SRGAP1: variants seen among roughly 807,000 people sequenced by gnomAD.
SRGAP1 encodes the protein SLIT-ROBO Rho GTPase activating protein 1, also known as SLIT-ROBO Rho GTPase-activating protein 1.
Under a neutral mutation model 121.9 loss-of-function variants are expected in SRGAP1, and 43 were observed. That is an observed-to-expected ratio of 0.35 (90% CI 0.28 to 0.46). The LOEUF is 0.46. Ranked by LOEUF, SRGAP1 falls within the 20% of genes least tolerant of loss-of-function variation. The pLI, the probability that SRGAP1 is intolerant of heterozygous loss-of-function variation, is 1.00. For missense variants in SRGAP1, 1,102 were observed against 1,350.9 expected, an observed-to-expected ratio of 0.82 and a Z score of 2.89; for synonymous variants, 447 against 485.4, an observed-to-expected ratio of 0.92 and a Z score of 1.04.
At chr12:64,047,404 A>G (rs534470382) in intron 6 of SRGAP1, among the ~76,000 whole-genome samples, 2 of 152,326 alleles carry the variant, frequency 1.3e-5, no homozygotes, top group East Asian at 3.9e-4. Context: ...ATGCAGAGGT[A>G]TCTAGAATTC....
chr12:64,130,178 A>G (rs1460440556), intron 21 of SRGAP1, among the ~76,000 whole-genome samples: 1 of 152,292 alleles, frequency 6.6e-6, no homozygotes, highest in Non-Finnish European at 1.5e-5. Context: ...TTTTACCTGC[A>G]TCGTGGAGTA....
intron 3 of SRGAP1, among the ~76,000 whole-genome samples, chr12:64,003,684 A>G (rs1396079106): frequency 6.6e-6 from 1 of 152,152 alleles, no homozygotes; most frequent in Non-Finnish European, 1.5e-5. Flanking sequence ...AAAAATGAAC[A>G]GAGCCTCAGG....
At chr12:64,124,554 T>C (rs1350523003) in intron 18 of SRGAP1, among the ~76,000 whole-genome samples, 1 of 152,226 alleles carries the variant, frequency 6.6e-6, no homozygotes, top group Admixed American at 6.5e-5. Context: ...AAGAGAAGTT[T>C]ACTCACCTTT....
At chr12:64,068,395 G>A (rs1035204501) in intron 8 of SRGAP1, among the ~76,000 whole-genome samples, 55 of 151,902 alleles carry the variant, frequency 3.6e-4, no homozygotes, top group Non-Finnish European at 1.5e-4. Flanking sequence ...GGGTGCAGAG[G>A]CACAATCACA....
At position 64,148,834 on chromosome 12, in the gene SRGAP1, T is replaced by C. The variant is rs908057482; in HGVS notation, c.*6162T>C. 4 of 152,324 alleles carry C rather than the reference T, an allele frequency of 2.6e-5. No individual in the cohort carries two copies. The highest frequency in any genetic ancestry group is 5.9e-5 in the Non-Finnish European group (4 of 68,034). The allele number at this position is 152,324 out of a possible 1,614,324, so 9.4% of individuals were successfully genotyped here. On this transcript the variant is annotated 3_prime_UTR_variant, in exon 22 of 22. Coordinates refer to ENST00000355086, the MANE Select transcript of SRGAP1 (RefSeq NM_020762.4). ...TGTATCCACCACCCAGTTTAAGCAA[T>C]AGCACATTATCAGCATCCCAGAAGC... is the stretch of plus-strand genomic sequence containing the variant.
At chr12:63,943,532 A>C (rs1251838524) in intron 1 of SRGAP1, among the ~76,000 whole-genome samples, 1 of 152,240 alleles carries the variant, frequency 6.6e-6, no homozygotes, top group African/African-American at 2.4e-5. Flanking sequence ...CCAAGGTTAC[A>C]TAGCTTGTAA....
At position 64,128,079 on chromosome 12, in the gene SRGAP1, A is replaced by G; in HGVS notation, c.2759A>G (p.Asn920Ser). ...AGGCCTGGCCATGGCAGCCTGACCA[A>G]CATCAGCCGGCACGACTCCCTCAAG... ...RRRPGHGSLT[N>S]ISRHDSLKKI... The change falls in exon 21 of 22, where the codon AAC becomes AGC. Residue 920 changes from asparagine to serine, a missense_variant. By Grantham distance (46) the Asn-to-Ser change is conservative. Coordinates refer to ENST00000355086, the MANE Select transcript of SRGAP1 (RefSeq NM_020762.4). 6.2e-7 allele frequency: 1 copy of G among 1,614,114 alleles called. No homozygotes were observed. The highest frequency in any genetic ancestry group is 8.5e-7 in the Non-Finnish European group (1 of 1,180,022).
At chr12:64,003,044 G>A (rs1020674292) in intron 3 of SRGAP1, among the ~76,000 whole-genome samples, 1 of 128,000 alleles carries the variant, frequency 7.8e-6, no homozygotes, top group Non-Finnish European at 1.6e-5. Flanking sequence ...GAGAGAGAGA[G>A]AGAGAGAAAG....
At chr12:64,111,635 T>A in intron 16 of SRGAP1, 127 bp from the exon 17 acceptor site, 1 of 740,432 alleles carries the variant, frequency 1.4e-6, no homozygotes, top group South Asian at 2.3e-5. Flanking sequence ...TCACTTTCTT[T>A]GGAGTTTGCT....
rs571543945 is a variant in SRGAP1 at position 64,137,241 on chromosome 12, C to T, written c.2881-5054C>T. On this transcript the variant is annotated intron_variant, in intron 21 of 21. Coordinates refer to ENST00000355086, the MANE Select transcript of SRGAP1 (RefSeq NM_020762.4). ...ATCACAGTATTGCATTGCATTCCAGCCTAGGTGACACAGTGAGACTCCGTC... is the reference window on the plus strand; with the variant it reads ...ATCACAGTATTGCATTGCATTCCAGTCTAGGTGACACAGTGAGACTCCGTC... 1.5e-3 allele frequency among the ~76,000 whole-genome samples: 219 copies of T among 150,390 alleles called. 1 individual carries two copies. Among genetic ancestry groups the T allele is most frequent in the African/African-American group, 5.4e-3 (215 of 40,088 alleles).
chr12:64,117,713 T>C (rs1167011131), intron 18 of SRGAP1, among the ~76,000 whole-genome samples: 1 of 152,174 alleles, frequency 6.6e-6, no homozygotes, highest in Non-Finnish European at 1.5e-5. Flanking sequence ...CTTGTTCTCC[T>C]TGCTTGACTG....
At chr12:64,033,335 A>G (rs1213632834) in intron 4 of SRGAP1, among the ~76,000 whole-genome samples, 1 of 152,174 alleles carries the variant, frequency 6.6e-6, no homozygotes, top group Non-Finnish European at 1.5e-5. Context: ...TGGAGTCACA[A>G]CGTATCTCAA....
chr12:63,900,721 T>C (rs927384969), intron 1 of SRGAP1, among the ~76,000 whole-genome samples: 3 of 151,926 alleles, frequency 2.0e-5, no homozygotes, highest in Non-Finnish European at 4.4e-5. Context: ...GTCTGAGGCA[T>C]AGAATAGCTT....
chr12:63,937,023 C>T (rs1044341972), intron 1 of SRGAP1, among the ~76,000 whole-genome samples: 4 of 152,156 alleles, frequency 2.6e-5, no homozygotes, highest in African/African-American at 9.7e-5. Context: ...GAGTGAATGC[C>T]TGTTCTATGC....
chr12:63,950,257 CAG>C (rs372190175), intron 1 of SRGAP1, among the ~76,000 whole-genome samples: 41 of 152,298 alleles, frequency 2.7e-4, no homozygotes, highest in African/African-American at 9.6e-4. Flanking sequence ...AAAGCATCTT[CAG>C]AGAGAGAGGT....
intron 3 of SRGAP1, among the ~76,000 whole-genome samples, chr12:64,005,197 C>T (rs1289198872): frequency 6.6e-6 from 1 of 152,178 alleles, no homozygotes; most frequent in South Asian, 2.1e-4. Flanking sequence ...AAGATCTTGA[C>T]AGTGGATGTA....
chr12:63,986,720 G>A (rs1290134273), intron 2 of SRGAP1, among the ~76,000 whole-genome samples: 1 of 152,114 alleles, frequency 6.6e-6, no homozygotes, highest in African/African-American at 2.4e-5. Flanking sequence ...ACTGTGCACA[G>A]CCCATTCAGT....
intron 1 of SRGAP1, among the ~76,000 whole-genome samples, chr12:63,852,886 G>A (rs12229174): frequency 0.069 from 10,452 of 151,978 alleles, 530 homozygotes; most frequent in East Asian, 0.24. Context: ...TCTCCCACAC[G>A]CTTTAGTACA....
chr12:64,025,998 A>G (rs2034645323), intron 4 of SRGAP1, among the ~76,000 whole-genome samples: 2 of 151,922 alleles, frequency 1.3e-5, no homozygotes, highest in African/African-American at 4.8e-5. Flanking sequence ...ACTGCTTCCT[A>G]CCTCCCGTTT....
Sources: gnomAD v4.1 joint callset for allele counts (sites outside exome capture counted in the v4.1 genomes callset) on GRCh38, gnomAD v4.1.1 for gene constraint, MANE v1.5 for transcripts, NCBI Gene and HGNC (gene_info 2026-07-23, HGNC 2026-07-21) for gene names.